SDK1: variants seen among roughly 807,000 people sequenced by gnomAD.
The protein encoded by SDK1 is sidekick cell adhesion molecule 1.
Under a neutral mutation model 245.5 loss-of-function variants are expected in SDK1, and 157 were observed. That is an observed-to-expected ratio of 0.64 (90% confidence interval 0.56 to 0.73). The LOEUF is 0.73. Ranked by LOEUF, SDK1 falls within the 30% of genes least tolerant of loss-of-function variation. SDK1 has a pLI of 0.00. For synonymous variants in SDK1, 1,647 were observed against 1,278.5 expected (o/e 1.29, Z -6.15); for missense variants, 3,583 against 3,002.3 (o/e 1.19, Z -4.52).
chr7:3,866,764 G>A (rs1412727229), intron 5 of SDK1, among the ~76,000 whole-genome samples: 1 of 152,190 alleles, frequency 6.6e-6, no homozygotes, highest in African/African-American at 2.4e-5. Context: ...CACAGGAATG[G>A]CATGCTGTGT....
chr7:3,345,708 T>C (rs904083667), intron 1 of SDK1, among the ~76,000 whole-genome samples: 1 of 152,236 alleles, frequency 6.6e-6, no homozygotes, highest in African/African-American at 2.4e-5. Flanking sequence ...TCCCAGGCGA[T>C]GCCTTGCCGT....
chr7:3,727,812 C>T (rs1178358608), intron 4 of SDK1, among the ~76,000 whole-genome samples: 1 of 152,040 alleles, frequency 6.6e-6, no homozygotes, highest in African/African-American at 2.4e-5. Flanking sequence ...AAATGAGTCA[C>T]CAGGAATAAA....
chr7:3,828,126 A>G (rs1779822794), intron 5 of SDK1, among the ~76,000 whole-genome samples: 1 of 152,042 alleles, frequency 6.6e-6, no homozygotes, highest in Non-Finnish European at 1.5e-5. Flanking sequence ...AAATACAAAA[A>G]TTATAACTGG....
intron 27 of SDK1, among the ~76,000 whole-genome samples, chr7:4,131,822 C>T (rs1784842200): frequency 7.6e-6 from 1 of 132,284 alleles, no homozygotes. Flanking sequence ...GGCATGCCTA[C>T]GAGAGAAATG....
At chr7:3,678,225 C>T (rs955436645) in intron 4 of SDK1, among the ~76,000 whole-genome samples, 3 of 152,300 alleles carry the variant, frequency 2.0e-5, no homozygotes, top group African/African-American at 7.2e-5. Flanking sequence ...CCGTTGGTTG[C>T]TCAGAAAGTT....
At position 4,006,060 on chromosome 7, in the gene SDK1, C is replaced by T. The variant is rs568224420; in HGVS notation, c.2132-4906C>T. On this transcript the variant is annotated intron_variant, in intron 14 of 44. Transcript: ENST00000404826. Reference sequence around the variant, plus strand: ...CCAGCCTGGATGACAAAGCGGGACCCTGTCTCAAAAAAGAAAAGAAAAAAA... The same window carrying T: ...CCAGCCTGGATGACAAAGCGGGACCTTGTCTCAAAAAAGAAAAGAAAAAAA... Among the ~76,000 whole-genome samples, 4 of 152,202 alleles carry T rather than the reference C, an allele frequency of 2.6e-5. No individual in the cohort carries two copies. The East Asian group carries it at 7.7e-4, about 29-fold the overall frequency.
At chr7:3,689,304 C>T (rs937444369) in intron 4 of SDK1, among the ~76,000 whole-genome samples, 1 of 152,174 alleles carries the variant, frequency 6.6e-6, no homozygotes, top group African/African-American at 2.4e-5. Context: ...GCCATTGGAG[C>T]CTGCTATTCT....
At chr7:3,746,275 C>G (rs1256000525) in intron 4 of SDK1, among the ~76,000 whole-genome samples, 1 of 152,182 alleles carries the variant, frequency 6.6e-6, no homozygotes, top group Non-Finnish European at 1.5e-5. Context: ...AATATAATAG[C>G]AATCACCTGA....
chr7:4,207,343 G>T (rs1171158436), intron 36 of SDK1, among the ~76,000 whole-genome samples: 2 of 152,208 alleles, frequency 1.3e-5, no homozygotes, highest in Non-Finnish European at 2.9e-5. Flanking sequence ...GGGCAGCCTG[G>T]CTGGCACTGG....
chr7:3,807,422 G>A (rs1192347703), intron 4 of SDK1, among the ~76,000 whole-genome samples: 3 of 152,166 alleles, frequency 2.0e-5, no homozygotes, highest in Non-Finnish European at 2.9e-5. Context: ...TAATGCCAGG[G>A]GCTGCCTCAA....
At chr7:4,023,847 G>A (rs746496778) in intron 17 of SDK1, among the ~76,000 whole-genome samples, 4 of 152,234 alleles carry the variant, frequency 2.6e-5, no homozygotes, top group African/African-American at 9.6e-5. Flanking sequence ...AAGTTTTCAG[G>A]TGAACCTGAG....
intron 1 of SDK1, among the ~76,000 whole-genome samples, chr7:3,612,576 G>A (rs549534843): frequency 3.2e-4 from 49 of 152,244 alleles, no homozygotes; most frequent in African/African-American, 1.1e-3. Flanking sequence ...TCTGCCCTGT[G>A]CTTTTGTTTC....
chr7:3,803,271 C>G (rs1779150671), intron 4 of SDK1, among the ~76,000 whole-genome samples: 1 of 151,272 alleles, frequency 6.6e-6, no homozygotes, highest in Non-Finnish European at 1.5e-5. Flanking sequence ...TCTTGTTGTA[C>G]TCTGCCCATT....
intron 1 of SDK1, among the ~76,000 whole-genome samples, chr7:3,508,280 T>C (rs957256677): frequency 3.3e-5 from 5 of 151,892 alleles, no homozygotes; most frequent in Non-Finnish European, 7.4e-5. Flanking sequence ...ATTAAGCTAA[T>C]CATTACTCTT....
chr7:3,579,143 C>G (rs1395433383), intron 1 of SDK1, among the ~76,000 whole-genome samples: 6 of 151,938 alleles, frequency 3.9e-5, no homozygotes, highest in Non-Finnish European at 1.5e-5. Context: ...TGAAACTATT[C>G]CAATAAATTG....
chr7:3,500,170 C>G (rs1304495302), intron 1 of SDK1, among the ~76,000 whole-genome samples: 3 of 152,108 alleles, frequency 2.0e-5, no homozygotes, highest in East Asian at 1.9e-4. Context: ...TGGGCCTATT[C>G]TCTCTATATC....
intron 31 of SDK1, among the ~76,000 whole-genome samples, chr7:4,160,787 G>T (rs1584330810): frequency 6.6e-6 from 1 of 152,194 alleles, no homozygotes; most frequent in Non-Finnish European, 1.5e-5. Context: ...GGTTAAGGGG[G>T]TTGGAGGGAG....
chr7:3,390,725 C>T (rs1306813307), intron 1 of SDK1, among the ~76,000 whole-genome samples: 1 of 152,070 alleles, frequency 6.6e-6, no homozygotes, highest in Non-Finnish European at 1.5e-5. Context: ...TTGGAACCAC[C>T]AGAAGCTAGG....
intron 13 of SDK1, among the ~76,000 whole-genome samples, chr7:3,985,269 T>A (rs970480721): frequency 6.6e-6 from 1 of 152,234 alleles, no homozygotes; most frequent in Admixed American, 6.5e-5. Flanking sequence ...CCATCTCAGA[T>A]CAGATACATT....
Sources: allele counts gnomAD v4.1 joint callset (sites outside exome capture counted in the v4.1 genomes callset), GRCh38; gene constraint gnomAD v4.1.1; transcripts MANE v1.5; gene names NCBI Gene and HGNC (gene_info 2026-07-23, HGNC 2026-07-21).